BLTP3B: variants seen among roughly 807,000 people sequenced by gnomAD.
BLTP3B encodes the protein UHRF1 (ICBP90) binding protein 1-like.
the BLTP3B span, chr12:100,051,883 CA>C: frequency 6.6e-6 from 1 of 151,982 alleles, no homozygotes; most frequent in Non-Finnish European, 1.5e-5. Flanking sequence ...CCATCTCTAC[CA>C]AAAATACAAA....
chr12:100,070,389 C>A, the BLTP3B span, among the ~76,000 whole-genome samples: 8 of 151,578 alleles, frequency 5.3e-5, no homozygotes, highest in African/African-American at 1.9e-4. Context: ...CAGGTTCAAG[C>A]GAACAGATTA....
the BLTP3B span, among the ~76,000 whole-genome samples, chr12:100,073,330 C>T: frequency 2.0e-5 from 3 of 149,482 alleles, no homozygotes; most frequent in African/African-American, 7.4e-5. Context: ...TGCTTAACGA[C>T]AATTATTATA....
chr12:100,108,832 C>T, the BLTP3B span, among the ~76,000 whole-genome samples: 7 of 152,224 alleles, frequency 4.6e-5, no homozygotes, highest in South Asian at 1.2e-3. Context: ...TACACACTCT[C>T]GTTCATTTGT....
chr12:100,059,862 GC>G, the BLTP3B span: 1 of 1,610,238 alleles, frequency 6.2e-7, no homozygotes, highest in South Asian at 1.1e-5. Flanking sequence ...TTAGCATTAA[GC>G]CATCAACTCG....
the BLTP3B span, chr12:100,092,871 T>C: frequency 1.0e-6 from 1 of 981,802 alleles, no homozygotes; most frequent in Non-Finnish European, 1.2e-6. Context: ...TCTTTCCTTA[T>C]ACTTTTTCAG....
At chr12:100,041,726 C>T in the BLTP3B span, among the ~76,000 whole-genome samples, 17 of 152,056 alleles carry the variant, frequency 1.1e-4, no homozygotes, top group African/African-American at 3.1e-4. Context: ...TGAGCCACCG[C>T]GCCCGGCCTG....
At chr12:100,120,792 TAAGA>T in the BLTP3B span, among the ~76,000 whole-genome samples, 1 of 148,456 alleles carries the variant, frequency 6.7e-6, no homozygotes, top group Non-Finnish European at 1.5e-5. Flanking sequence ...TACAATTATG[TAAGA>T]GAGAGAGAGA....
At chr12:100,069,296 C>G in the BLTP3B span, among the ~76,000 whole-genome samples, 3 of 152,044 alleles carry the variant, frequency 2.0e-5, no homozygotes, top group Admixed American at 6.6e-5. Flanking sequence ...GAAAAGAAGT[C>G]ATTATATGAA....
At chr12:100,088,974 T>G in the BLTP3B span, 1 of 1,587,436 alleles carries the variant, frequency 6.3e-7, no homozygotes, top group African/African-American at 1.4e-5. Context: ...AATCACTAAA[T>G]GATGGGAGGT....
chr12:100,095,615 TA>T, the BLTP3B span: 4 of 1,563,060 alleles, frequency 2.6e-6, no homozygotes, highest in Non-Finnish European at 3.4e-6. Flanking sequence ...TTCTAATTTT[TA>T]AACTATTTTC....
the BLTP3B span, among the ~76,000 whole-genome samples, chr12:100,073,049 C>A: frequency 1.3e-5 from 2 of 152,074 alleles, no homozygotes; most frequent in Non-Finnish European, 2.9e-5. Context: ...CAACACTGTA[C>A]AATATTCCTT....
chr12:100,125,753 G>A, the BLTP3B span, among the ~76,000 whole-genome samples: 1 of 152,192 alleles, frequency 6.6e-6, no homozygotes, highest in East Asian at 1.9e-4. Flanking sequence ...CTATTTGCCA[G>A]TCACTCATTA....
chr12:100,059,094 A>G, the BLTP3B span: 13 of 1,614,014 alleles, frequency 8.1e-6, no homozygotes, highest in Non-Finnish European at 1.1e-5. Context: ...TGGTTGACAA[A>G]TCCAAATGGA....
the BLTP3B span, chr12:100,098,623 T>C: frequency 1.5e-5 from 21 of 1,418,410 alleles, no homozygotes; most frequent in Non-Finnish European, 1.9e-5. Flanking sequence ...CATTTCTGGT[T>C]GGGGATGGTG....
chr12:100,084,753 A>G, the BLTP3B span: 1 of 1,307,160 alleles, frequency 7.7e-7, no homozygotes, highest in Non-Finnish European at 1.0e-6. Context: ...TCGTTTATTC[A>G]AGAAAGACTT....
the BLTP3B span, among the ~76,000 whole-genome samples, chr12:100,075,355 T>G: frequency 7.2e-5 from 11 of 152,002 alleles, no homozygotes; most frequent in Admixed American, 1.3e-4. Flanking sequence ...GGAACAAATA[T>G]TTAAATATAA....
the BLTP3B span, among the ~76,000 whole-genome samples, chr12:100,107,134 G>A: frequency 2.3e-3 from 347 of 149,780 alleles, 8 homozygotes; most frequent in East Asian, 0.04. Context: ...CTAAAAATAC[G>A]AAAATTAGCC....
chr12:100,106,765 T>A, the BLTP3B span, among the ~76,000 whole-genome samples: 13 of 152,146 alleles, frequency 8.5e-5, no homozygotes, highest in East Asian at 2.5e-3. Flanking sequence ...TAAAAAAAAA[T>A]TTACTGAAAG....
the BLTP3B span, chr12:100,097,500 C>A: frequency 1.2e-6 from 2 of 1,609,562 alleles, no homozygotes; most frequent in South Asian, 2.2e-5. Context: ...CTTTAAAAGT[C>A]AAAACCTAAG....
Sources: gnomAD v4.1 joint callset for allele counts (sites outside exome capture counted in the v4.1 genomes callset) on GRCh38, gnomAD v4.1.1 for gene constraint, MANE v1.5 for transcripts, NCBI Gene and HGNC (gene_info 2026-07-23, HGNC 2026-07-21) for gene names.